PXDNL: variants seen among roughly 807,000 people sequenced by gnomAD.
PXDNL encodes peroxidasin like.
Under a neutral mutation model 150.8 loss-of-function variants are expected in PXDNL, and 145 were observed. That is an observed-to-expected ratio of 0.96 (90% CI 0.84 to 1.10). The LOEUF is 1.10. PXDNL is among the 50% of genes least tolerant of loss of function. PXDNL has a pLI of 0.00. For missense variants in PXDNL, 2,087 were observed against 1,873.9 expected, an observed-to-expected ratio of 1.11 and a Z score of -2.10; for synonymous variants, 757 against 725.7, an observed-to-expected ratio of 1.04 and a Z score of -0.69.
At chr8:51,658,344 G>GAAAAAAAGAAA (rs1815195311) in intron 1 of PXDNL, among the ~76,000 whole-genome samples, 1 of 94,232 alleles carries the variant, frequency 1.1e-5, no homozygotes, top group Non-Finnish European at 2.1e-5. Context: ...CCTGTCTCAA[G>GAAAAAAAGAAA]AAAAAAAAAA....
At position 51,545,368 on chromosome 8, in the gene PXDNL, T is replaced by A. The variant is rs188287109; in HGVS notation, c.380+11472A>T. Among the ~76,000 whole-genome samples the A allele has an allele frequency of 2.0e-5, 3 of 152,328 alleles. No individual in the cohort carries two copies. The East Asian group carries it at 5.8e-4, about 29-fold the overall frequency. ...GATGATTCAGCAATATAGTAAAAATTACCCAAAGCATTACACAATTTAAAA... is the reference window on the plus strand; with the variant it reads ...GATGATTCAGCAATATAGTAAAAATAACCCAAAGCATTACACAATTTAAAA... On this transcript the variant is annotated intron_variant, in intron 4 of 22. Coordinates refer to ENST00000356297, the MANE Select transcript of PXDNL (RefSeq NM_144651.5).
chr8:51,381,172 A>G (rs190315651), intron 17 of PXDNL, among the ~76,000 whole-genome samples: 207 of 152,312 alleles, frequency 1.4e-3, no homozygotes, highest in Admixed American at 4.1e-3. Context: ...CTTCTTTTGC[A>G]TTCCCTAAAT....
At chr8:51,518,076 G>A (rs538217783) in intron 4 of PXDNL, among the ~76,000 whole-genome samples, 1 of 152,248 alleles carries the variant, frequency 6.6e-6, no homozygotes, top group Non-Finnish European at 1.5e-5. Context: ...TCTTCCTAAC[G>A]TCAGGGTCAG....
At chr8:51,533,627 G>A (rs916187668) in intron 4 of PXDNL, among the ~76,000 whole-genome samples, 1 of 150,260 alleles carries the variant, frequency 6.7e-6, no homozygotes, top group South Asian at 2.1e-4. Context: ...CCGAGTGCCT[G>A]CGGACGCCGC....
intron 3 of PXDNL, among the ~76,000 whole-genome samples, chr8:51,568,659 T>C (rs1228437750): frequency 2.6e-5 from 4 of 151,898 alleles, no homozygotes; most frequent in African/African-American, 9.7e-5. Flanking sequence ...TTTTGGAAAA[T>C]TATCAGCCAT....
chr8:51,579,924 G>A (rs1813166439), intron 3 of PXDNL, among the ~76,000 whole-genome samples: 1 of 151,806 alleles, frequency 6.6e-6, no homozygotes, highest in South Asian at 2.1e-4. Flanking sequence ...GTTAATGGGT[G>A]CAGCACACCA....
intron 10 of PXDNL, among the ~76,000 whole-genome samples, chr8:51,449,897 TC>T (rs1809764697): frequency 2.0e-5 from 3 of 152,020 alleles, no homozygotes; most frequent in Admixed American, 2.0e-4. Context: ...ATGAGGCAAA[TC>T]CATACAGTAA....
chr8:51,555,499 T>C (rs1038204774), intron 4 of PXDNL, among the ~76,000 whole-genome samples: 4 of 152,222 alleles, frequency 2.6e-5, no homozygotes, highest in Non-Finnish European at 5.9e-5. Flanking sequence ...TTTTGATTGG[T>C]TGACTGTGTT....
At chr8:51,622,707 C>T in intron 2 of PXDNL, among the ~76,000 whole-genome samples, 1 of 152,210 alleles carries the variant, frequency 6.6e-6, no homozygotes, top group East Asian at 1.9e-4. Context: ...GTGATCAATA[C>T]AAATAGCTCA....
At chr8:51,435,242 A>C (rs1238997082) in intron 12 of PXDNL, among the ~76,000 whole-genome samples, 1 of 151,862 alleles carries the variant, frequency 6.6e-6, no homozygotes, top group African/African-American at 2.4e-5. Context: ...AATCACTTGA[A>C]CCCGGGAAGT....
chr8:51,522,886 CAG>C (rs1811692022), intron 4 of PXDNL, among the ~76,000 whole-genome samples: 1 of 143,774 alleles, frequency 7.0e-6, no homozygotes, highest in Non-Finnish European at 1.5e-5. Flanking sequence ...AAAAAAAAAA[CAG>C]AGAATGTAAT....
At chr8:51,555,556 A>G (rs76582306) in intron 4 of PXDNL, among the ~76,000 whole-genome samples, 3,921 of 152,334 alleles carry the variant, frequency 0.026, 170 homozygotes, top group African/African-American at 0.089. Context: ...AAAGAAATTT[A>G]GATTTCTTCT....
At chr8:51,583,376 G>T (rs1216178850) in intron 3 of PXDNL, among the ~76,000 whole-genome samples, 1 of 152,044 alleles carries the variant, frequency 6.6e-6, no homozygotes, top group African/African-American at 2.4e-5. Flanking sequence ...ATCTTGAAAG[G>T]TTGCATGTTT....
chr8:51,580,809 T>C (rs1394898767), intron 3 of PXDNL, among the ~76,000 whole-genome samples: 1 of 152,164 alleles, frequency 6.6e-6, no homozygotes, highest in Non-Finnish European at 1.5e-5. Context: ...ACGTCTCACA[T>C]GTGAGAAATA....
intron 5 of PXDNL, among the ~76,000 whole-genome samples, chr8:51,495,150 G>T (rs1811014132): frequency 6.6e-6 from 1 of 151,844 alleles, no homozygotes; most frequent in Admixed American, 6.6e-5. Context: ...TCAACTACAT[G>T]GAAACTGAAC....
intron 8 of PXDNL, among the ~76,000 whole-genome samples, chr8:51,467,931 G>A (rs1810238110): frequency 6.6e-6 from 1 of 151,908 alleles, no homozygotes; most frequent in African/African-American, 2.4e-5. Context: ...TTAAGTGCTG[G>A]TAATCATTTC....
intron 6 of PXDNL, among the ~76,000 whole-genome samples, chr8:51,483,029 G>T (rs1810637755): frequency 6.6e-6 from 1 of 152,120 alleles, no homozygotes; most frequent in Non-Finnish European, 1.5e-5. Flanking sequence ...TTAGTGGAGG[G>T]GGTGGGTAAC....
At chr8:51,776,667 T>C (rs565969834) in intron 1 of PXDNL, among the ~76,000 whole-genome samples, 24 of 152,198 alleles carry the variant, frequency 1.6e-4, no homozygotes, top group Non-Finnish European at 3.2e-4. Context: ...TACTGTTAAG[T>C]TGTATTTTTT....
intron 1 of PXDNL, among the ~76,000 whole-genome samples, chr8:51,788,409 C>CAATT (rs1224129902): frequency 6.6e-6 from 1 of 152,132 alleles, no homozygotes; most frequent in Non-Finnish European, 1.5e-5. Flanking sequence ...AGCCACCACT[C>CAATT]AATTGTTCAA....
Sources: gnomAD v4.1 joint callset for allele counts (sites outside exome capture counted in the v4.1 genomes callset) on GRCh38, gnomAD v4.1.1 for gene constraint, MANE v1.5 for transcripts, NCBI Gene and HGNC (gene_info 2026-07-23, HGNC 2026-07-21) for gene names.